The following BCOR variants were observed in gnomAD, a reference collection of about 807,000 sequenced individuals.
The protein encoded by BCOR is BCL-6 corepressor.
BCOR carries 10 observed loss-of-function variants against 86.7 expected under a neutral mutation model. The ratio of observed to expected loss-of-function variants is 0.12; its 90% CI spans 0.07 to 0.20. The LOEUF is 0.20. BCOR is among the 10% of genes least tolerant of loss of function. The probability of loss-of-function intolerance (pLI) is 1.00; values close to 1 mark genes in which losing one functional copy is unlikely to be tolerated. For missense variants in BCOR, 1,259 were observed against 1,452.1 expected, an observed-to-expected ratio of 0.87 and a Z score of 2.16; for synonymous variants, 611 against 609.0, an observed-to-expected ratio of 1.00 and a Z score of -0.05.
intron 1 of BCOR, among the ~76,000 whole-genome samples, chrX:40,161,198 G>GTT (rs201049147): frequency 1.0e-5 from 1 of 100,325 alleles, no homozygotes; most frequent in Admixed American, 1.1e-4. Context: ...GTTTTTTGGG[G>GTT]TTTTTTTTTG....
chrX:40,172,061 C>A (rs781548050), intron 1 of BCOR, among the ~76,000 whole-genome samples: 1 of 112,647 alleles, frequency 8.9e-6, no homozygotes, highest in South Asian at 3.6e-4. Flanking sequence ...CCAGCCCAGC[C>A]GCGGATCCAT....
intron 1 of BCOR, among the ~76,000 whole-genome samples, chrX:40,154,780 A>AGCAGCAGGGAC (rs1489385165): frequency 8.9e-6 from 1 of 112,195 alleles, no homozygotes; most frequent in Non-Finnish European, 1.9e-5. Context: ...TTTCCCTGGC[A>AGCAGCAGGGAC]GCAGCAGGGA....
At chrX:40,156,856 T>C (rs763033935) in intron 1 of BCOR, among the ~76,000 whole-genome samples, 70 of 113,701 alleles carry the variant, frequency 6.2e-4, no homozygotes, top group African/African-American at 2.2e-3. Flanking sequence ...GAAGCCGCTG[T>C]CTCCAGGGAG....
intron 10 of BCOR, among the ~76,000 whole-genome samples, chrX:40,058,558 T>A (rs1473525466): frequency 8.9e-6 from 1 of 112,111 alleles, no homozygotes; most frequent in Non-Finnish European, 1.9e-5. Flanking sequence ...AAAATTCTTT[T>A]ATGCCCTTTC....
At chrX:40,075,329 G>C in intron 3 of BCOR, 149 bp from the exon 4 acceptor site, 1 of 440,897 alleles carries the variant, frequency 2.3e-6, no homozygotes, top group Non-Finnish European at 3.9e-6. Flanking sequence ...GGGGGTGGGG[G>C]GTCTGTTTCC....
chrX:40,052,487 A>C (rs978180907), intron 14 of BCOR, 87 bp from the exon 15 acceptor site: 86 of 874,258 alleles, frequency 9.8e-5, no homozygotes, highest in Admixed American at 4.3e-4. Flanking sequence ...ACCCAAGTGG[A>C]CCAGCCTCTA....
chrX:40,164,333 T>C (rs1381759285), intron 1 of BCOR, among the ~76,000 whole-genome samples: 3 of 112,968 alleles, frequency 2.7e-5, no homozygotes, highest in Non-Finnish European at 5.6e-5. Flanking sequence ...CCCTTGTAGC[T>C]GACATGCTAT....
At chrX:40,079,014 T>C (rs966182349) in intron 1 of BCOR, among the ~76,000 whole-genome samples, 1 of 111,824 alleles carries the variant, frequency 8.9e-6, no homozygotes, top group African/African-American at 3.3e-5. Flanking sequence ...GCCCATATCC[T>C]GCTGTTAAAT....
At chrX:40,061,283 A>T (rs987064834) in intron 10 of BCOR, among the ~76,000 whole-genome samples, 1 of 111,929 alleles carries the variant, frequency 8.9e-6, no homozygotes, top group Admixed American at 9.5e-5. Context: ...TTGAACTGTG[A>T]AAAGCGTGAT....
intron 1 of BCOR, among the ~76,000 whole-genome samples, chrX:40,176,360 A>T (rs1409085959): frequency 8.9e-6 from 1 of 112,070 alleles, no homozygotes; most frequent in African/African-American, 3.2e-5. Context: ...CCTCGGCCTC[A>T]CGGATCCCCT....
upstream of BCOR, among the ~76,000 whole-genome samples, chrX:40,099,948 T>G (rs1016500256): frequency 8.9e-5 from 10 of 111,940 alleles, no homozygotes; most frequent in African/African-American, 2.9e-4. Flanking sequence ...AATGCACGCT[T>G]TTTTCTTCCT....
At chrX:40,096,402 G>A (rs993395561) in intron 1 of BCOR, among the ~76,000 whole-genome samples, 7 of 112,624 alleles carry the variant, frequency 6.2e-5, no homozygotes, top group Admixed American at 1.9e-4. Context: ...GGGGGAAAGC[G>A]GGAGGGGGAT....
At chrX:40,066,215 C>A (rs142374397) in intron 6 of BCOR, among the ~76,000 whole-genome samples, 1 of 111,739 alleles carries the variant, frequency 8.9e-6, no homozygotes, top group African/African-American at 3.3e-5. Flanking sequence ...CAACCAGCAA[C>A]GGATGGGCGT....
At chrX:40,083,096 A>C (rs1418654397) in intron 1 of BCOR, among the ~76,000 whole-genome samples, 1 of 96,190 alleles carries the variant, frequency 1.0e-5, no homozygotes, top group African/African-American at 3.8e-5. Context: ...AGAAGTTCCT[A>C]TTTTAGGATG....
chrX:40,055,123 G>A (rs1265508466), intron 12 of BCOR, among the ~76,000 whole-genome samples: 2 of 112,397 alleles, frequency 1.8e-5, no homozygotes, highest in African/African-American at 6.5e-5. Flanking sequence ...CCATACCTAA[G>A]TTAAGAATGC....
chrX:40,057,885 C>A (rs1010178717), intron 10 of BCOR, among the ~76,000 whole-genome samples: 5 of 112,067 alleles, frequency 4.5e-5, no homozygotes, highest in Non-Finnish European at 7.5e-5. Flanking sequence ...GGAGTTTAGG[C>A]TGGTCCTCAC....
chrX:40,053,750 C>T (rs1179594927), intron 14 of BCOR, 136 bp downstream of exon 14: 2 of 701,803 alleles, frequency 2.8e-6, no homozygotes. Flanking sequence ...AAAATATCTA[C>T]TGCATTGTGT....
Position 40,077,978 on chromosome X carries a change from A to G in BCOR, c.-40-9T>C. 1 of 1,092,317 alleles carries G rather than the reference A, an allele frequency of 9.2e-7. No homozygotes were observed. Among genetic ancestry groups the G allele is most frequent in the Non-Finnish European group, 1.3e-6 (1 of 786,337 alleles). The allele number at this position is 1,092,317 out of a possible 1,213,427, so 90.0% of individuals were successfully genotyped here. The stretch of plus-strand genomic sequence containing the variant: ...TGCTTCAAGCGTCTAGTCTGTTAAA[A>G]GGAAAGAAAAAAAATCCCAGGAGGT... On this transcript the variant is annotated splice_polypyrimidine_tract_variant and intron_variant, in intron 1 of 14. Transcript: ENST00000378444.
Position 40,096,408 on chromosome X carries a change from G to T in BCOR, c.-41+807C>A, listed in dbSNP as rs1168484340. Among the ~76,000 whole-genome samples, 3 of 112,610 alleles carry T rather than the reference G, an allele frequency of 2.7e-5. No homozygotes were observed. In the Admixed American group the frequency reaches 2.8e-4, roughly 10 times the overall value. ...GGGAGAGGAGGGGGAAAGCGGGAGG[G>T]GGATCGCAGATTATAATCTTAAAAG... On this transcript the variant is annotated intron_variant, in intron 1 of 14. Transcript: ENST00000378444.
Sources: gnomAD v4.1 joint callset for allele counts (sites outside exome capture counted in the v4.1 genomes callset) on GRCh38, gnomAD v4.1.1 for gene constraint, MANE v1.5 for transcripts, NCBI Gene and HGNC (gene_info 2026-07-23, HGNC 2026-07-21) for gene names.